SETX: variants seen among roughly 807,000 people sequenced by gnomAD.
SETX encodes helicase senataxin.
Under a neutral mutation model 227.2 loss-of-function variants are expected in SETX, and 90 were observed. The observed-to-expected ratio is 0.40, with a 90% CI of 0.33 to 0.47. The LOEUF (loss-of-function observed/expected upper bound fraction) is 0.47, where lower values mean the gene tolerates loss of function less well. Among genes scored for constraint, SETX ranks in the 20% least tolerant of loss-of-function variants. The pLI is 0.91. For synonymous variants in SETX, 1,210 were observed against 1,113.2 expected, an observed-to-expected ratio of 1.09 and a Z score of -1.73; for missense variants, 3,052 against 3,181.5, an observed-to-expected ratio of 0.96 and a Z score of 0.98.
At chr9:132,317,955 T>C (rs1846088710) in intron 10 of SETX, among the ~76,000 whole-genome samples, 1 of 152,198 alleles carries the variant, frequency 6.6e-6, no homozygotes, top group Admixed American at 6.5e-5. Context: ...CCTTCTCCAT[T>C]TCTAAGAAAA....
rs548843830 is a variant in SETX, at chr9:132,335,326, T to G, written c.719-599A>C. 7.4e-4 allele frequency among the ~76,000 whole-genome samples: 96 copies of G among 129,782 alleles called. 1 individual carries two copies. The highest frequency in any genetic ancestry group is 1.7e-3 in the Admixed American group (17 of 9,902). The allele number at this position is 129,782 out of a possible 152,430, so 85.1% of individuals were successfully genotyped here. On this transcript the variant is annotated intron_variant, in intron 6 of 25. Transcript: ENST00000224140. Reference sequence around the variant, plus strand: ...GAATGGCGTGAACCCAGGAGGCGGATCTTGCAGTGAGCCGAGATCGCGCGA... The same window carrying G: ...GAATGGCGTGAACCCAGGAGGCGGAGCTTGCAGTGAGCCGAGATCGCGCGA...
chr9:132,344,752 G>GT (rs1682912891), intron 4 of SETX, among the ~76,000 whole-genome samples: 1 of 151,646 alleles, frequency 6.6e-6, no homozygotes, highest in African/African-American at 2.4e-5. Context: ...GCAGGCGCCT[G>GT]TAATCCCAGC....
intron 3 of SETX, 145 bp from the exon 4 acceptor site, chr9:132,346,616 C>T: frequency 2.9e-6 from 2 of 681,116 alleles, no homozygotes; most frequent in Non-Finnish European, 5.1e-6. Context: ...TTAAAGAAAA[C>T]TATTCAAATG....
At chr9:132,285,736 C>T (rs12342068) in intron 18 of SETX, among the ~76,000 whole-genome samples, 8,312 of 150,166 alleles carry the variant, frequency 0.055, 374 homozygotes, top group East Asian at 0.17. Context: ...AAAATTTAGT[C>T]GGGCGTGGTG....
intron 23 of SETX, among the ~76,000 whole-genome samples, chr9:132,272,634 G>A (rs542220677): frequency 9.2e-5 from 14 of 152,162 alleles, no homozygotes; most frequent in Admixed American, 4.6e-4. Context: ...ACATTTTCTT[G>A]GAGGTTAGCC....
At chr9:132,335,757 T>C (rs1312141386) in intron 6 of SETX, among the ~76,000 whole-genome samples, 1 of 152,250 alleles carries the variant, frequency 6.6e-6, no homozygotes, top group East Asian at 1.9e-4. Flanking sequence ...CAAGATTCGA[T>C]TCATTTGCCA....
intron 21 of SETX, among the ~76,000 whole-genome samples, 170 bp downstream of exon 21, chr9:132,277,895 CTTTTT>C (rs1243643748): frequency 6.8e-6 from 1 of 146,426 alleles, no homozygotes; most frequent in Non-Finnish European, 1.5e-5. Flanking sequence ...TTCCCCTTTT[CTTTTT>C]TATGTGCTTT....
chr9:132,328,067 TGAA>T lies in SETX; in HGVS notation c.3528_3530del (p.Ser1179del). 6.2e-7 allele frequency: 1 copy of T among 1,614,198 alleles called. No homozygotes were observed. The highest frequency in any genetic ancestry group is 8.5e-7 in the Non-Finnish European group (1 of 1,180,034). On this transcript the variant is annotated inframe_deletion, in exon 10 of 26. Coordinates refer to ENST00000224140, the MANE Select transcript of SETX (RefSeq NM_015046.7). ...ACTGGCCCTCATTTCTGACAGAAGA[TGAA>T]GGCCTCACAGGATCTTCAGCCATTG...
chr9:132,356,175 T>C (rs923968253), upstream of SETX, among the ~76,000 whole-genome samples: 1 of 151,658 alleles, frequency 6.6e-6, no homozygotes, highest in African/African-American at 2.4e-5. Flanking sequence ...TAAATAAAAA[T>C]GAGTAAAATC....
At chr9:132,343,860 G>C (rs1243896204) in intron 4 of SETX, among the ~76,000 whole-genome samples, 1 of 151,994 alleles carries the variant, frequency 6.6e-6, no homozygotes, top group Non-Finnish European at 1.5e-5. Flanking sequence ...TGAATTTATT[G>C]GTTTAGACAA....
intron 25 of SETX, among the ~76,000 whole-genome samples, chr9:132,268,790 T>TTAAAAATAGGAGGTACA (rs1166756347): frequency 1.3e-5 from 2 of 152,196 alleles, no homozygotes; most frequent in Non-Finnish European, 1.5e-5. Flanking sequence ...TTCTATCAAC[T>TTAAAAATAGGAGGTACA]TAAAAATAGG....
chr9:132,298,320 CAAGA>C lies in SETX; in HGVS notation c.5549-12_5549-9del. Reference sequence around the variant, plus strand: ...CAGTTTTCCCATTACGCACTATCATCAAGAAAGAGAAAAAGCAACTTCAGTTATC... The same window carrying C: ...CAGTTTTCCCATTACGCACTATCATCAAGAGAAAAAGCAACTTCAGTTATC... On this transcript the variant is annotated splice_polypyrimidine_tract_variant and intron_variant, in intron 12 of 25. Coordinates refer to ENST00000224140, the MANE Select transcript of SETX (RefSeq NM_015046.7). 2 of 1,612,072 alleles carry C rather than the reference CAAGA, an allele frequency of 1.2e-6. No homozygotes were observed. The highest frequency in any genetic ancestry group is 1.7e-6 in the Non-Finnish European group (2 of 1,178,382).
intron 11 of SETX, among the ~76,000 whole-genome samples, chr9:132,306,603 CA>C (rs1312380085): frequency 1.3e-5 from 2 of 152,172 alleles, no homozygotes; most frequent in African/African-American, 4.8e-5. Context: ...TCACCTACTT[CA>C]ATTGTATTTC....
intron 10 of SETX, among the ~76,000 whole-genome samples, chr9:132,313,301 C>A (rs11243728): frequency 0.23 from 35,375 of 151,970 alleles, 5,392 homozygotes; most frequent in East Asian, 0.67. Context: ...AAATGGATCA[C>A]TAAAATTTTA....
chr9:132,316,914 A>C (rs1589713747), intron 10 of SETX, among the ~76,000 whole-genome samples: 2 of 152,332 alleles, frequency 1.3e-5, no homozygotes, highest in South Asian at 4.1e-4. Context: ...ACTTTATTAT[A>C]ATAGATTTTG....
At chr9:132,296,064 AC>A in intron 14 of SETX, 36 bp from the exon 15 acceptor site, 1 of 1,613,808 alleles carries the variant, frequency 6.2e-7, no homozygotes, top group Non-Finnish European at 8.5e-7. Context: ...AAACAAACAC[AC>A]AAAAAATATG....
intron 25 of SETX, among the ~76,000 whole-genome samples, chr9:132,267,675 T>C (rs1465576527): frequency 1.3e-5 from 2 of 152,234 alleles, no homozygotes; most frequent in Non-Finnish European, 2.9e-5. Flanking sequence ...GTGAAGACAA[T>C]GTCGGTGCCA....
In SETX at chr9:132,300,533, A is replaced by C. The variant is rs989108011; in HGVS notation, c.5548+97T>G. ...AACATAGCAAAAACATGTTCGGTAAATGTCTATCAAATACACTTGATATAC... is the reference window on the plus strand; with the variant it reads ...AACATAGCAAAAACATGTTCGGTAACTGTCTATCAAATACACTTGATATAC... On this transcript the variant is annotated intron_variant, in intron 12 of 25. Coordinates refer to ENST00000224140, the MANE Select transcript of SETX (RefSeq NM_015046.7). 2.3e-6 allele frequency: 3 copies of C among 1,330,466 alleles called. No homozygotes were observed. The African/African-American group carries it at 4.3e-5, about 19-fold the overall frequency. 82.4% of individuals were successfully genotyped at this position (1,330,466 alleles called of 1,614,324 possible).
chr9:132,269,828 A>G (rs1293841704), intron 24 of SETX, 126 bp from the exon 25 acceptor site: 1 of 920,168 alleles, frequency 1.1e-6, no homozygotes, highest in Non-Finnish European at 1.8e-6. Flanking sequence ...TGAATGACTC[A>G]GTGAGCCCGA....
Sources: allele counts gnomAD v4.1 joint callset (sites outside exome capture counted in the v4.1 genomes callset), GRCh38; gene constraint gnomAD v4.1.1; transcripts MANE v1.5; gene names NCBI Gene and HGNC (gene_info 2026-07-23, HGNC 2026-07-21).